TARDBP: variants seen among roughly 807,000 people sequenced by gnomAD.
TARDBP encodes TAR DNA-binding protein 43.
In TARDBP, 4 loss-of-function variants were observed where a neutral mutation model predicts 38.3. The ratio of observed to expected loss-of-function variants is 0.10; its 90% CI spans 0.05 to 0.24. TARDBP has a LOEUF of 0.24. Among genes scored for constraint, TARDBP ranks in the 10% least tolerant of loss-of-function variants. The pLI is 1.00. For synonymous variants in TARDBP, 184 were observed against 183.8 expected, an observed-to-expected ratio of 1.00 and a Z score of -0.01; for missense variants, 202 against 521.9, an observed-to-expected ratio of 0.39 and a Z score of 5.97.
At chr1:11,020,234 G>GT (rs1287760345) in intron 4 of TARDBP, among the ~76,000 whole-genome samples, 195 bp from the exon 5 acceptor site, 1 of 152,064 alleles carries the variant, frequency 6.6e-6, no homozygotes, top group Non-Finnish European at 1.5e-5. Context: ...GTGTACTTTT[G>GT]TAACTTAAAA....
At chr1:11,014,482 C>T (rs781567546) in intron 2 of TARDBP, among the ~76,000 whole-genome samples, 1 of 152,194 alleles carries the variant, frequency 6.6e-6, no homozygotes, top group Non-Finnish European at 1.5e-5. Flanking sequence ...GAAAAGGAAG[C>T]ATGAAGTTTA....
At chr1:11,029,024 G>A (rs544929710), downstream of TARDBP, among the ~76,000 whole-genome samples, 14 of 144,508 alleles carry the variant, frequency 9.7e-5, no homozygotes, top group African/African-American at 3.3e-4. Context: ...ACAGAGTCTC[G>A]CTCTGTTGCC....
chr1:11,028,712 T>C (rs56142504), downstream of TARDBP, among the ~76,000 whole-genome samples: 8 of 129,224 alleles, frequency 6.2e-5, no homozygotes, highest in East Asian at 4.5e-4. Flanking sequence ...TTTTCTTTTT[T>C]TTTTTTTTTT....
At chr1:11,016,057 C>G (rs1643517722) in intron 2 of TARDBP, 1 of 152,294 alleles carries the variant, frequency 6.6e-6, no homozygotes, top group Non-Finnish European at 1.5e-5. Flanking sequence ...CCTGCCTCAG[C>G]CTCCCAAGTA....
At chr1:11,030,109 C>G, downstream of TARDBP, 2 of 1,170,458 alleles carry the variant, frequency 1.7e-6, no homozygotes. Context: ...TAAAGCTCTC[C>G]TCACTGTCTC....
At chr1:11,017,660 C>T (rs936863004) in intron 3 of TARDBP, among the ~76,000 whole-genome samples, 1 of 152,144 alleles carries the variant, frequency 6.6e-6, no homozygotes, top group African/African-American at 2.4e-5. Context: ...GTGACAATAG[C>T]TTTTCTTTAT....
chr1:11,022,591 C>T lies in TARDBP; in HGVS notation c.1182C>T (p.Gly394=), dbSNP rs780579499. ...GWGSASNAGS[G]SGFNGGFGSS... ...GATCAGCATCCAATGCAGGGTCGGGCAGTGGTTTTAATGGAGGCTTTGGCT... is the reference window on the plus strand; with the variant it reads ...GATCAGCATCCAATGCAGGGTCGGGTAGTGGTTTTAATGGAGGCTTTGGCT... Residue 394 remains glycine (G), a synonymous_variant, in exon 6 of 6, where the codon GGC becomes GGT. Coordinates refer to ENST00000240185, the MANE Select transcript of TARDBP (RefSeq NM_007375.4). The surrounding 1 kb of genome is among the most constrained non-coding windows in gnomAD (Gnocchi z 4.5). 13 of 1,592,868 alleles carry T rather than the reference C, an allele frequency of 8.2e-6. No homozygotes were observed. Among genetic ancestry groups the T allele is most frequent in the Middle Eastern group, 1.7e-4 (1 of 5,948 alleles).
chr1:11,026,898 A>G, downstream of TARDBP: 1 of 1,482,210 alleles, frequency 6.7e-7, no homozygotes. Flanking sequence ...AAAATCACTA[A>G]TTATGTTCTC....
chr1:11,017,583 T>C (rs1643553421), intron 3 of TARDBP, among the ~76,000 whole-genome samples: 1 of 152,236 alleles, frequency 6.6e-6, no homozygotes, highest in Non-Finnish European at 1.5e-5. Context: ...ACATATATGT[T>C]GTACCCTATG....
At chr1:11,017,611 G>A (rs1643554143) in intron 3 of TARDBP, among the ~76,000 whole-genome samples, 1 of 152,130 alleles carries the variant, frequency 6.6e-6, no homozygotes, top group Non-Finnish European at 1.5e-5. Flanking sequence ...CTTTGATATT[G>A]TAAAATCCTA....
In TARDBP at chr1:11,023,819, A is replaced by C; in HGVS notation, c.*1165A>C. 6.5e-6 allele frequency: 1 copy of C among 153,342 alleles called. No individual in the cohort carries two copies. Among genetic ancestry groups the C allele is most frequent in the South Asian group, 2.1e-4 (1 of 4,852 alleles). The allele number at this position is 153,342 out of a possible 1,614,324, so 9.5% of individuals were successfully genotyped here. On this transcript the variant is annotated 3_prime_UTR_variant, in exon 6 of 6. Coordinates refer to ENST00000240185, the MANE Select transcript of TARDBP (RefSeq NM_007375.4). ...TATGTAAGTGTGGCAATGTGAACTG[A>C]AGCTGATGGGCTGAGAACATGGACT...
In TARDBP at chr1:11,023,013, A is replaced by G; in HGVS notation, c.*359A>G. On this transcript the variant is annotated 3_prime_UTR_variant, in exon 6 of 6. Transcript: ENST00000240185. The stretch of plus-strand genomic sequence containing the variant: ...GTTCAAAACGGAAACCATTGATTAG[A>G]ACTACATTCTTTACCCCTTGTTTTA... The G allele has an allele frequency of 7.0e-7, 1 of 1,425,062 alleles. No individual in the cohort carries two copies. The highest frequency in any genetic ancestry group is 9.2e-7 in the Non-Finnish European group (1 of 1,087,482). 88.3% of individuals were successfully genotyped at this position (1,425,062 alleles called of 1,614,324 possible).
rs1643674571 is a variant in TARDBP at position 11,023,191 on chromosome 1, A to G, written c.*537A>G. The G allele has an allele frequency of 6.5e-7, 1 of 1,550,258 alleles. No individual in the cohort carries two copies. Among genetic ancestry groups the G allele is most frequent in the Non-Finnish European group, 8.7e-7 (1 of 1,146,824 alleles). On this transcript the variant is annotated 3_prime_UTR_variant, in exon 6 of 6. Coordinates refer to ENST00000240185, the MANE Select transcript of TARDBP (RefSeq NM_007375.4). ...TATGAAGCCTTCATTTAATCTCTGC[A>G]GTTCATCTCATTTCAAATGTTTATG...
At chr1:11,017,945 T>C (rs977707743) in intron 3 of TARDBP, among the ~76,000 whole-genome samples, 3 of 152,080 alleles carry the variant, frequency 2.0e-5, no homozygotes, top group Admixed American at 6.6e-5. Context: ...TGCAGTGGCA[T>C]GATCTCGGCT....
chr1:11,029,536 T>G (rs886204960), downstream of TARDBP: 8 of 152,110 alleles, frequency 5.3e-5, no homozygotes, highest in African/African-American at 1.4e-4. Context: ...GGGAAATTAT[T>G]TGCTTTGGGT....
downstream of TARDBP, among the ~76,000 whole-genome samples, chr1:11,028,769 A>G (rs1643788609): frequency 6.9e-6 from 1 of 144,286 alleles, no homozygotes; most frequent in African/African-American, 2.6e-5. Flanking sequence ...GTTGGAGTGC[A>G]GTGGTACAAT....
chr1:11,013,603 C>A, intron 1 of TARDBP, 113 bp from the exon 2 acceptor site: 1 of 892,870 alleles, frequency 1.1e-6, no homozygotes, highest in Non-Finnish European at 1.8e-6. Context: ...TATACGAATC[C>A]AGACAAGCAT....
downstream of TARDBP, chr1:11,027,137 T>G (rs1270996446): frequency 5.6e-6 from 9 of 1,613,234 alleles, no homozygotes; most frequent in Non-Finnish European, 7.6e-6. Flanking sequence ...AGGGTGGCTT[T>G]TCATATGCAG....
chr1:11,018,487 C>G, intron 3 of TARDBP: 1 of 527,312 alleles, frequency 1.9e-6, no homozygotes, highest in East Asian at 3.5e-5. Flanking sequence ...CCGCGCCTGG[C>G]CCCATCTCTC....
Sources: gnomAD v4.1 joint callset for allele counts (sites outside exome capture counted in the v4.1 genomes callset) on GRCh38, gnomAD v4.1.1 for gene constraint, Gnocchi (gnomAD v3.1) non-coding constraint, MANE v1.5 for transcripts, NCBI Gene and HGNC (gene_info 2026-07-23, HGNC 2026-07-21) for gene names.